Variants in DOCK1 observed in about 807,000 individuals in gnomAD.
The protein encoded by DOCK1 is dedicator of cytokinesis protein 1.
In DOCK1, 138 loss-of-function variants were observed where a neutral mutation model predicts 262.7. The ratio of observed to expected loss-of-function variants is 0.53; its 90% confidence interval spans 0.46 to 0.61. DOCK1 has a LOEUF of 0.61. Among genes scored for constraint, DOCK1 ranks in the 20% least tolerant of loss-of-function variants. The probability of loss-of-function intolerance (pLI) is 0.00; values close to 1 mark genes in which losing one functional copy is unlikely to be tolerated. For synonymous variants in DOCK1, 866 were observed against 867.4 expected (o/e 1.00, Z 0.03); for missense variants, 1,908 against 2,370.7 (o/e 0.80, Z 4.05).
At chr10:127,092,209 G>A (rs1364835983) in intron 23 of DOCK1, among the ~76,000 whole-genome samples, 1 of 152,232 alleles carries the variant, frequency 6.6e-6, no homozygotes, top group African/African-American at 2.4e-5. Flanking sequence ...GGCCATAGCA[G>A]TAGTGCTGGG....
In DOCK1 at chr10:127,279,428, T is replaced by C. The variant is rs79601784; in HGVS notation, c.3044+21999T>C. ...ACATGGCTAATAAGGCAGAGAAGAATCAGCTTTGCTTGACTCCAGAGTCCG... is the reference window on the plus strand; with the variant it reads ...ACATGGCTAATAAGGCAGAGAAGAACCAGCTTTGCTTGACTCCAGAGTCCG... On this transcript the variant is annotated intron_variant, in intron 29 of 51. Transcript: ENST00000623213. Among the ~76,000 whole-genome samples the C allele has an allele frequency of 3.2e-3, 493 of 152,324 alleles. 2 individuals carry two copies. Among genetic ancestry groups the C allele is most frequent in the African/African-American group, 0.01 (426 of 41,572 alleles).
At chr10:126,984,852 A>G (rs1382229789) in intron 4 of DOCK1, among the ~76,000 whole-genome samples, 1 of 152,048 alleles carries the variant, frequency 6.6e-6, no homozygotes, top group East Asian at 1.9e-4. Context: ...TCGAGTATAC[A>G]ATACATAGCT....
chr10:127,276,239 A>G (rs1234986364), intron 29 of DOCK1, among the ~76,000 whole-genome samples: 1 of 152,172 alleles, frequency 6.6e-6, no homozygotes. Context: ...GGCTGTGTAC[A>G]TAGGAACCAG....
intron 22 of DOCK1, among the ~76,000 whole-genome samples, chr10:127,058,619 T>C (rs1345631089): frequency 1.3e-5 from 2 of 151,386 alleles, no homozygotes; most frequent in Non-Finnish European, 2.9e-5. Flanking sequence ...AGTTACACTT[T>C]TTTTAAGCAT....
intron 35 of DOCK1, among the ~76,000 whole-genome samples, chr10:127,375,436 A>G (rs896733280): frequency 1.3e-5 from 2 of 152,212 alleles, no homozygotes; most frequent in Admixed American, 1.3e-4. Flanking sequence ...GTCGCCAACA[A>G]CATGTGGATA....
chr10:127,017,560 TGCACAG>T (rs2042092337), intron 12 of DOCK1, among the ~76,000 whole-genome samples: 1 of 141,648 alleles, frequency 7.1e-6, no homozygotes, highest in African/African-American at 2.7e-5. Flanking sequence ...CACACACACA[TGCACAG>T]ATACAGATAC....
At chr10:126,960,170 T>C (rs992256032) in intron 1 of DOCK1, among the ~76,000 whole-genome samples, 20 of 152,258 alleles carry the variant, frequency 1.3e-4, no homozygotes, top group Non-Finnish European at 1.5e-4. Flanking sequence ...TGCCTTGACT[T>C]CCTCTATTTA....
chr10:127,103,880 T>C (rs923677700), intron 23 of DOCK1, among the ~76,000 whole-genome samples: 1 of 152,248 alleles, frequency 6.6e-6, no homozygotes, highest in African/African-American at 2.4e-5. Flanking sequence ...AACTCTCTTC[T>C]AAAGTTGCTG....
intron 27 of DOCK1, among the ~76,000 whole-genome samples, chr10:127,219,928 G>T (rs2058362032): frequency 1.3e-5 from 2 of 152,066 alleles, no homozygotes; most frequent in South Asian, 4.1e-4. Flanking sequence ...TGGCAGTCCT[G>T]TGCACCATTC....
chr10:127,266,547 T>G (rs548042788), intron 29 of DOCK1, among the ~76,000 whole-genome samples: 1 of 151,814 alleles, frequency 6.6e-6, no homozygotes, highest in African/African-American at 2.4e-5. Context: ...TGCTTTGCAC[T>G]GAGAGATGTT....
intron 33 of DOCK1, among the ~76,000 whole-genome samples, chr10:127,365,938 C>G (rs1478071766): frequency 2.0e-5 from 3 of 152,204 alleles, no homozygotes; most frequent in Non-Finnish European, 4.4e-5. Flanking sequence ...AGACATCTTT[C>G]CAGAAAACCA....
chr10:127,056,371 A>AT (rs1232639665), intron 22 of DOCK1, among the ~76,000 whole-genome samples: 3 of 151,964 alleles, frequency 2.0e-5, no homozygotes, highest in South Asian at 2.1e-4. Flanking sequence ...TGCCTGGCTA[A>AT]TTTTTTGTAG....
At chr10:126,948,563 C>T (rs1432832978) in intron 1 of DOCK1, among the ~76,000 whole-genome samples, 9 of 151,874 alleles carry the variant, frequency 5.9e-5, no homozygotes, top group East Asian at 3.9e-4. Flanking sequence ...GGGGTGGGGT[C>T]GGGATAGGCA....
At chr10:127,303,690 C>G (rs2061771589) in intron 29 of DOCK1, among the ~76,000 whole-genome samples, 1 of 116,472 alleles carries the variant, frequency 8.6e-6, no homozygotes, top group Non-Finnish European at 1.8e-5. Flanking sequence ...GAGACCCTAT[C>G]TCTACAAAAA....
At position 126,924,198 on chromosome 10, in the gene DOCK1, A is replaced by AGTGCTGG. The variant is rs1302411198; in HGVS notation, c.46+18635_46+18636insGTGCTGG. ...TGCTGGAACTGAGCAGGGGGAACTG[A>AGTGCTGG]ATGCTGGAACTGAGCAGGGGGAACT... is the stretch of plus-strand genomic sequence containing the variant. On this transcript the variant is annotated intron_variant, in intron 1 of 51. Coordinates refer to ENST00000623213, the MANE Select transcript of DOCK1 (RefSeq NM_001290223.2). Among the ~76,000 whole-genome samples the AGTGCTGG allele has an allele frequency of 1.2e-3, 151 of 124,154 alleles. 3 individuals carry two copies. The highest frequency in any genetic ancestry group is 4.1e-3 in the African/African-American group (141 of 34,780). 81.4% of individuals were successfully genotyped at this position (124,154 alleles called of 152,430 possible).
At chr10:127,444,045 C>G in intron 49 of DOCK1, 81 bp from the exon 50 acceptor site, 1 of 1,524,520 alleles carries the variant, frequency 6.6e-7, no homozygotes, top group South Asian at 1.2e-5. Flanking sequence ...GGGGTCAGGA[C>G]TTCAACATAG....
intron 28 of DOCK1, among the ~76,000 whole-genome samples, chr10:127,250,820 A>AAAG (rs1564934987): frequency 7.5e-6 from 1 of 133,100 alleles, no homozygotes; most frequent in Non-Finnish European, 1.6e-5. Context: ...AAAAAAAAAA[A>AAAG]AATGACGTTT....
At chr10:127,210,092 C>G (rs1254699330) in intron 27 of DOCK1, among the ~76,000 whole-genome samples, 1 of 152,158 alleles carries the variant, frequency 6.6e-6, no homozygotes, top group African/African-American at 2.4e-5. Flanking sequence ...TCCCCAAAAC[C>G]CCAATCAAGA....
chr10:127,433,558 CTG>C, intron 48 of DOCK1, 130 bp downstream of exon 48: 1 of 1,270,716 alleles, frequency 7.9e-7, no homozygotes, highest in Non-Finnish European at 1.1e-6. Flanking sequence ...ATCTTTGAAA[CTG>C]AGACCCTCCG....
Sources: gnomAD v4.1 joint callset for allele counts (sites outside exome capture counted in the v4.1 genomes callset) on GRCh38, gnomAD v4.1.1 for gene constraint, MANE v1.5 for transcripts, NCBI Gene and HGNC (gene_info 2026-07-23, HGNC 2026-07-21) for gene names.